Variants in NPFFR2 observed in about 807,000 individuals in gnomAD.
NPFFR2 encodes neuropeptide FF receptor 2, also known as G-protein coupled receptor 74.
Under a neutral mutation model 13.1 loss-of-function variants are expected in NPFFR2, and 15 were observed. The ratio of observed to expected loss-of-function variants is 1.15; its 90% CI spans 0.77 to 1.76. The LOEUF (loss-of-function observed/expected upper bound fraction) is 1.76, where lower values mean the gene tolerates loss of function less well. Ranked by LOEUF, NPFFR2 falls within the 40% of genes most tolerant of loss-of-function variation. NPFFR2 has a pLI of 0.00. For synonymous variants in NPFFR2, 190 were observed against 175.7 expected, an observed-to-expected ratio of 1.08 and a Z score of -0.65; for missense variants, 572 against 503.5, an observed-to-expected ratio of 1.14 and a Z score of -1.30.
intron 1 of NPFFR2, among the ~76,000 whole-genome samples, chr4:72,114,802 G>T (rs1003765954): frequency 6.6e-6 from 1 of 152,000 alleles, no homozygotes; most frequent in Non-Finnish European, 1.5e-5. Flanking sequence ...GATTGTAATG[G>T]CTTTATTTTA....
intron 1 of NPFFR2, among the ~76,000 whole-genome samples, chr4:72,041,829 T>G (rs1244997763): frequency 2.0e-5 from 3 of 152,212 alleles, no homozygotes; most frequent in African/African-American, 4.8e-5. Context: ...CTATGTTCAC[T>G]TTTTAATGGA....
intron 1 of NPFFR2, among the ~76,000 whole-genome samples, chr4:72,045,739 G>A (rs563883094): frequency 0.02 from 597 of 29,762 alleles, 3 homozygotes; most frequent in Non-Finnish European, 0.14. Flanking sequence ...ATTGAATGCT[G>A]TACTGAAAAG....
intron 2 of NPFFR2, among the ~76,000 whole-genome samples, chr4:72,130,891 T>C (rs1722216979): frequency 6.6e-6 from 1 of 152,080 alleles, no homozygotes; most frequent in Admixed American, 6.5e-5. Flanking sequence ...AAGAATCAGG[T>C]CGCATGAACG....
At chr4:72,071,316 A>C (rs1324557421) in intron 1 of NPFFR2, among the ~76,000 whole-genome samples, 1 of 152,140 alleles carries the variant, frequency 6.6e-6, no homozygotes, top group Non-Finnish European at 1.5e-5. Flanking sequence ...CTAAGGTCAG[A>C]GGTACAGGCA....
chr4:72,127,121 T>C (rs2109832734), intron 1 of NPFFR2, among the ~76,000 whole-genome samples: 1 of 150,920 alleles, frequency 6.6e-6, no homozygotes. Flanking sequence ...GTTAACACAG[T>C]GAAACCCCGT....
At chr4:72,102,069 A>C (rs985351234) in intron 1 of NPFFR2, among the ~76,000 whole-genome samples, 1 of 152,144 alleles carries the variant, frequency 6.6e-6, no homozygotes, top group Non-Finnish European at 1.5e-5. Flanking sequence ...AAACTCATAT[A>C]AATTGGAATT....
At chr4:72,125,476 A>T (rs910647309) in intron 1 of NPFFR2, among the ~76,000 whole-genome samples, 1 of 152,320 alleles carries the variant, frequency 6.6e-6, no homozygotes. Flanking sequence ...TGCGGTACCA[A>T]GTTGTCACAC....
chr4:72,071,198 T>C (rs761971319), intron 1 of NPFFR2, among the ~76,000 whole-genome samples: 25 of 152,208 alleles, frequency 1.6e-4, no homozygotes, highest in Non-Finnish European at 3.1e-4. Flanking sequence ...GTGTTTCTCA[T>C]GCACAGACAT....
chr4:72,136,056 A>C (rs1722400627), intron 2 of NPFFR2, among the ~76,000 whole-genome samples: 2 of 152,124 alleles, frequency 1.3e-5, no homozygotes, highest in Admixed American at 1.3e-4. Context: ...CTGTTGTGCT[A>C]TCATATACTA....
At chr4:72,097,266 T>C (rs891956596) in intron 1 of NPFFR2, among the ~76,000 whole-genome samples, 2 of 152,162 alleles carry the variant, frequency 1.3e-5, no homozygotes, top group African/African-American at 4.8e-5. Flanking sequence ...TTATTGTCTT[T>C]AGAAAATGTG....
intron 1 of NPFFR2, among the ~76,000 whole-genome samples, chr4:72,075,102 T>C (rs939449831): frequency 6.6e-6 from 1 of 152,150 alleles, no homozygotes; most frequent in Non-Finnish European, 1.5e-5. Flanking sequence ...GTCAGTGGGC[T>C]GAGGAAGGCA....
chr4:72,098,854 G>C (rs968748878), intron 1 of NPFFR2, among the ~76,000 whole-genome samples: 1 of 152,122 alleles, frequency 6.6e-6, no homozygotes, highest in African/African-American at 2.4e-5. Context: ...AAATAGACAT[G>C]TGTCACTTCT....
intron 2 of NPFFR2, among the ~76,000 whole-genome samples, chr4:72,133,256 G>A (rs1722307522): frequency 6.6e-6 from 1 of 152,134 alleles, no homozygotes; most frequent in Admixed American, 6.6e-5. Flanking sequence ...ATTAAATAGG[G>A]AGTCCTTTCC....
chr4:72,095,677 A>T (rs551739880), intron 1 of NPFFR2, among the ~76,000 whole-genome samples: 1 of 152,298 alleles, frequency 6.6e-6, no homozygotes, highest in African/African-American at 2.4e-5. Flanking sequence ...GCCCTATATA[A>T]GCCCCAGTAC....
intron 1 of NPFFR2, among the ~76,000 whole-genome samples, chr4:72,042,422 A>G (rs1429650045): frequency 6.6e-6 from 1 of 152,222 alleles, no homozygotes; most frequent in Non-Finnish European, 1.5e-5. Context: ...CTATAAGGAT[A>G]GCCAAAAATG....
intron 1 of NPFFR2, among the ~76,000 whole-genome samples, chr4:72,123,259 T>G (rs912664912): frequency 6.6e-6 from 1 of 152,136 alleles, no homozygotes; most frequent in Non-Finnish European, 1.5e-5. Flanking sequence ...GTTCTGAAAC[T>G]GAGGCAGTAA....
At chr4:72,072,621 G>A (rs1251857213) in intron 1 of NPFFR2, among the ~76,000 whole-genome samples, 2 of 152,188 alleles carry the variant, frequency 1.3e-5, no homozygotes, top group East Asian at 3.9e-4. Flanking sequence ...TCTCAGGGGG[G>A]AAGAGAAGGA....
At chr4:72,034,630 T>C (rs1013166088) in intron 1 of NPFFR2, among the ~76,000 whole-genome samples, 2 of 152,260 alleles carry the variant, frequency 1.3e-5, no homozygotes, top group Admixed American at 6.5e-5. Flanking sequence ...CAAATTGTTC[T>C]CTTAAACATA....
At chr4:72,051,394 A>G (rs1431046871) in intron 1 of NPFFR2, among the ~76,000 whole-genome samples, 1 of 152,102 alleles carries the variant, frequency 6.6e-6, no homozygotes, top group Non-Finnish European at 1.5e-5. Context: ...CTGAATGACT[A>G]CTGGGTACAT....
Sources: gnomAD v4.1 joint callset for allele counts (sites outside exome capture counted in the v4.1 genomes callset) on GRCh38, gnomAD v4.1.1 for gene constraint, MANE v1.5 for transcripts, NCBI Gene and HGNC (gene_info 2026-07-23, HGNC 2026-07-21) for gene names.